CNTNAP2: variants seen among roughly 807,000 people sequenced by gnomAD.
The protein encoded by CNTNAP2 is contactin associated protein 2.
A neutral mutation model predicts 155.2 loss-of-function variants in CNTNAP2; 98 were observed. The ratio of observed to expected loss-of-function variants is 0.63; its 90% CI spans 0.54 to 0.75. The LOEUF is 0.75. Among genes scored for constraint, CNTNAP2 ranks in the 30% least tolerant of loss-of-function variants. The pLI, the probability that CNTNAP2 is intolerant of heterozygous loss-of-function variation, is 0.00. For missense variants in CNTNAP2, 1,727 were observed against 1,688.1 expected (o/e 1.02, Z -0.40); for synonymous variants, 651 against 631.2 (o/e 1.03, Z -0.47).
chr7:147,353,424 G>T (rs1312308666), intron 9 of CNTNAP2, among the ~76,000 whole-genome samples: 1 of 151,920 alleles, frequency 6.6e-6, no homozygotes, highest in Non-Finnish European at 1.5e-5. Flanking sequence ...GTGTTAGTTT[G>T]CTGAGAATGA....
intron 1 of CNTNAP2, among the ~76,000 whole-genome samples, chr7:146,663,053 G>A (rs752746773): frequency 3.9e-5 from 6 of 152,012 alleles, no homozygotes; most frequent in Admixed American, 6.6e-5. Context: ...TAAGGCGGGC[G>A]GATCACCTGA....
chr7:147,747,656 T>G (rs1797067920), intron 13 of CNTNAP2, among the ~76,000 whole-genome samples: 1 of 152,220 alleles, frequency 6.6e-6, no homozygotes, highest in Admixed American at 6.5e-5. Context: ...AGTTTTAGTT[T>G]TTTGAGAAAC....
At chr7:148,310,816 C>T (rs1025443426) in intron 21 of CNTNAP2, among the ~76,000 whole-genome samples, 2 of 151,926 alleles carry the variant, frequency 1.3e-5, no homozygotes, top group Non-Finnish European at 2.9e-5. Flanking sequence ...GGGTGGCAGC[C>T]GTCAGAGGTT....
chr7:146,459,379 CT>C (rs1459654252), intron 1 of CNTNAP2, among the ~76,000 whole-genome samples: 1 of 152,184 alleles, frequency 6.6e-6, no homozygotes, highest in Admixed American at 6.5e-5. Context: ...ACCTCACTCC[CT>C]CAGGTAGCTC....
At chr7:147,974,920 G>C (rs1174612581) in intron 14 of CNTNAP2, among the ~76,000 whole-genome samples, 2 of 151,330 alleles carry the variant, frequency 1.3e-5, no homozygotes, top group African/African-American at 4.8e-5. Flanking sequence ...AATGACAATA[G>C]AATATTCATT....
chr7:148,312,661 G>A (rs1298762455), intron 21 of CNTNAP2, among the ~76,000 whole-genome samples: 7 of 152,324 alleles, frequency 4.6e-5, no homozygotes, highest in African/African-American at 9.6e-5. Flanking sequence ...GAACTAACCT[G>A]TAAGCCTTGT....
chr7:147,701,798 C>T (rs1229476959), intron 13 of CNTNAP2, among the ~76,000 whole-genome samples: 1 of 152,100 alleles, frequency 6.6e-6, no homozygotes, highest in Non-Finnish European at 1.5e-5. Flanking sequence ...AGTTATAAGG[C>T]CGAACTTCCC....
chr7:146,161,194 C>T (rs201495445), intron 1 of CNTNAP2, among the ~76,000 whole-genome samples: 6 of 152,124 alleles, frequency 3.9e-5, no homozygotes, highest in South Asian at 2.1e-4. Flanking sequence ...ATTGATGGGA[C>T]GTATCTCAAA....
At chr7:146,814,743 T>C (rs1585103249) in intron 2 of CNTNAP2, among the ~76,000 whole-genome samples, 2 of 151,962 alleles carry the variant, frequency 1.3e-5, no homozygotes, top group African/African-American at 2.4e-5. Context: ...CTCATTAACT[T>C]TGATACCCCA....
chr7:148,180,549 G>T (rs1299889730), intron 18 of CNTNAP2, among the ~76,000 whole-genome samples: 1 of 145,808 alleles, frequency 6.9e-6, no homozygotes, highest in Admixed American at 6.9e-5. Flanking sequence ...TTTCTCAGAA[G>T]AAAAAAAAAA....
At chr7:146,691,217 C>A (rs757026194) in intron 1 of CNTNAP2, among the ~76,000 whole-genome samples, 1 of 151,976 alleles carries the variant, frequency 6.6e-6, no homozygotes, top group African/African-American at 2.4e-5. Context: ...AAATATAAAG[C>A]CACTAATTTG....
At chr7:147,255,544 TG>T (rs1804302739) in intron 8 of CNTNAP2, among the ~76,000 whole-genome samples, 1 of 152,082 alleles carries the variant, frequency 6.6e-6, no homozygotes, top group Non-Finnish European at 1.5e-5. Flanking sequence ...TTGTACGCAT[TG>T]GGTACTATGT....
intron 8 of CNTNAP2, among the ~76,000 whole-genome samples, chr7:147,286,187 C>A (rs551468272): frequency 6.6e-6 from 1 of 151,920 alleles, no homozygotes; most frequent in South Asian, 2.1e-4. Context: ...TTTCTATAAA[C>A]CAAGGATGAT....
intron 1 of CNTNAP2, among the ~76,000 whole-genome samples, chr7:146,636,823 G>A (rs954903728): frequency 4.6e-5 from 7 of 152,130 alleles, no homozygotes; most frequent in African/African-American, 9.7e-5. Context: ...AATGTTAGGC[G>A]TCTCTTTGCC....
chr7:147,075,851 A>G lies in CNTNAP2; in HGVS notation c.550+31797A>G, dbSNP rs1420276303. Among the ~76,000 whole-genome samples the G allele has an allele frequency of 2.6e-5, 4 of 151,980 alleles. No individual in the cohort carries two copies. The East Asian group carries it at 7.8e-4, about 29-fold the overall frequency. On this transcript the variant is annotated intron_variant, in intron 4 of 23. Transcript: ENST00000361727. ...CTGTGTCCAAATATTCTCATTGTTC[A>G]ATTCCCATCTATGAGTGAGAACATG... is the stretch of plus-strand genomic sequence containing the variant.
intron 11 of CNTNAP2, among the ~76,000 whole-genome samples, chr7:147,534,658 T>C (rs1199172939): frequency 6.6e-6 from 1 of 152,174 alleles, no homozygotes; most frequent in Non-Finnish European, 1.5e-5. Context: ...GATGGGACTT[T>C]TAAAGTTTAA....
intron 12 of CNTNAP2, among the ~76,000 whole-genome samples, chr7:147,575,356 T>G (rs1800374832): frequency 1.4e-5 from 2 of 143,152 alleles, no homozygotes; most frequent in African/African-American, 2.7e-5. Flanking sequence ...TGTGTGTGTA[T>G]TCCCTAGCTT....
chr7:146,620,821 G>A (rs1799304906), intron 1 of CNTNAP2, among the ~76,000 whole-genome samples: 1 of 151,958 alleles, frequency 6.6e-6, no homozygotes, highest in South Asian at 2.1e-4. Context: ...AGTCCTTTCT[G>A]CTTTTTTACT....
intron 14 of CNTNAP2, among the ~76,000 whole-genome samples, chr7:147,971,940 G>A (rs980727204): frequency 6.6e-6 from 1 of 152,160 alleles, no homozygotes; most frequent in African/African-American, 2.4e-5. Context: ...GCTGAGACAG[G>A]AGAATCATGA....
Sources: gnomAD v4.1 joint callset for allele counts (sites outside exome capture counted in the v4.1 genomes callset) on GRCh38, gnomAD v4.1.1 for gene constraint, MANE v1.5 for transcripts, NCBI Gene and HGNC (gene_info 2026-07-23, HGNC 2026-07-21) for gene names.